The following EFNA2 variants were observed in gnomAD, a reference collection of about 807,000 sequenced individuals.
EFNA2 encodes ephrin-A2.
A neutral mutation model predicts 19.7 loss-of-function variants in EFNA2; 18 were observed. The ratio of observed to expected loss-of-function variants is 0.91; its 90% CI spans 0.63 to 1.35. The LOEUF is 1.35. Among genes scored for constraint, EFNA2 ranks in the 40% most tolerant of loss-of-function variants. The pLI, the probability that EFNA2 is intolerant of heterozygous loss-of-function variation, is 0.00. For missense variants in EFNA2, 303 were observed against 296.0 expected, an observed-to-expected ratio of 1.02 and a Z score of -0.17; for synonymous variants, 187 against 137.8, an observed-to-expected ratio of 1.36 and a Z score of -2.50.
rs2081539588 is a variant in EFNA2 at position 1,300,853 on chromosome 19, C to T, written c.*908C>T. On this transcript the variant is annotated 3_prime_UTR_variant, in exon 4 of 4. Transcript: ENST00000215368. ...CCCTCTCCGAGGCCGAGAAGACCTTCTGTTCCTGTAAATACAGCCAGCAAG... is the reference window on the plus strand; with the variant it reads ...CCCTCTCCGAGGCCGAGAAGACCTTTTGTTCCTGTAAATACAGCCAGCAAG... 6.6e-6 allele frequency among the ~76,000 whole-genome samples: 1 copy of T among 152,182 alleles called. No individual in the cohort carries two copies. Among genetic ancestry groups the T allele is most frequent in the Non-Finnish European group, 1.5e-5 (1 of 68,040 alleles).
intron 1 of EFNA2, among the ~76,000 whole-genome samples, chr19:1,289,514 C>A (rs561000135): frequency 1.3e-5 from 2 of 152,192 alleles, no homozygotes; most frequent in Non-Finnish European, 2.9e-5. Flanking sequence ...GACCAGGGCC[C>A]GTGTGCAGAC....
At chr19:1,292,215 C>T (rs975899560) in intron 1 of EFNA2, among the ~76,000 whole-genome samples, 1 of 152,230 alleles carries the variant, frequency 6.6e-6, no homozygotes, top group African/African-American at 2.4e-5. Flanking sequence ...GGCTTGCCCG[C>T]CAACTTGGAA....
rs2081526186 is a variant in EFNA2, at chr19:1,298,561, T to G, written c.465T>G (p.Pro155=). The part of the protein sequence containing the change: ...GHEYYYISAT[P]PNAVDRPCLR... ...TCCCCTCTCTTCTAGCTGCCACGCC[T>G]CCCAATGCTGTGGACCGGCCCTGCC... The change falls in exon 3 of 4, where the codon CCT becomes CCG. Residue 155 remains proline, a synonymous_variant. Coordinates refer to ENST00000215368, the MANE Select transcript of EFNA2 (RefSeq NM_001405.4). 3.1e-6 allele frequency: 5 copies of G among 1,613,900 alleles called. No individual in the cohort carries two copies. Among genetic ancestry groups the G allele is most frequent in the Non-Finnish European group, 4.2e-6 (5 of 1,179,962 alleles).
At chr19:1,298,270 C>G (rs1262436643) in intron 2 of EFNA2, among the ~76,000 whole-genome samples, 2 of 152,018 alleles carry the variant, frequency 1.3e-5, no homozygotes, top group Non-Finnish European at 2.9e-5. Context: ...CGAGCTCACC[C>G]TGTGCTGCCC....
At position 1,294,383 on chromosome 19, in the gene EFNA2, CA is replaced by C. The variant is rs1182075369; in HGVS notation, c.141-1161del. Among the ~76,000 whole-genome samples, 1 of 152,148 alleles carries C rather than the reference CA, an allele frequency of 6.6e-6. No individual in the cohort carries two copies. The highest frequency in any genetic ancestry group is 1.5e-5 in the Non-Finnish European group (1 of 68,016). On this transcript the variant is annotated intron_variant, in intron 1 of 3. Coordinates refer to ENST00000215368, the MANE Select transcript of EFNA2 (RefSeq NM_001405.4). This position sits in a 1 kb window ranked among gnomAD's most constrained non-coding sequence, Gnocchi z 5.8. ...TCTATCCTCACAGACGAGGCTGGGT[CA>C]GGGGGCTCCCTGGAGGAAGGGGCCT...
chr19:1,298,717 G>A, intron 3 of EFNA2, 101 bp downstream of exon 3: 1 of 1,346,100 alleles, frequency 7.4e-7, no homozygotes, highest in Non-Finnish European at 1.0e-6. Context: ...GGGGGCCTCG[G>A]GTTTCCCTAT....
In EFNA2 at chr19:1,300,733, C is replaced by G. The variant is rs1275433185; in HGVS notation, c.*788C>G. Among the ~76,000 whole-genome samples the G allele has an allele frequency of 6.6e-6, 1 of 152,142 alleles. No individual in the cohort carries two copies. The highest frequency in any genetic ancestry group is 2.4e-5 in the African/African-American group (1 of 41,438). The stretch of plus-strand genomic sequence containing the variant: ...CATTTCCTCCCAGACACTGTTTTGC[C>G]CCAGCGCCCTTCGGAATCACAGTCC... On this transcript the variant is annotated 3_prime_UTR_variant, in exon 4 of 4. Transcript: ENST00000215368.
At position 1,295,471 on chromosome 19, in the gene EFNA2, C is replaced by T. The variant is rs1448799180; in HGVS notation, c.141-74C>T. The T allele has an allele frequency of 5.0e-6, 7 of 1,410,840 alleles. No individual in the cohort carries two copies. In the East Asian group the frequency reaches 1.3e-4, roughly 27 times the overall value. The allele number at this position is 1,410,840 out of a possible 1,614,324, so 87.4% of individuals were successfully genotyped here. On this transcript the variant is annotated intron_variant, in intron 1 of 3. Coordinates refer to ENST00000215368, the MANE Select transcript of EFNA2 (RefSeq NM_001405.4). The surrounding 1 kb of genome is among the most constrained non-coding windows in gnomAD (Gnocchi z 5.8). The stretch of plus-strand genomic sequence containing the variant: ...TCGTGCTCCTGTCCCCTGACCCTGG[C>T]CCTCCCCGCGCACCCCGACCCGTGC...
intron 1 of EFNA2, among the ~76,000 whole-genome samples, chr19:1,292,571 A>G (rs2081496490): frequency 6.6e-6 from 1 of 152,168 alleles, no homozygotes; most frequent in South Asian, 2.1e-4. Context: ...GGCAGTGGGA[A>G]CAGCAGCTGC....
At chr19:1,290,548 G>A (rs569486601) in intron 1 of EFNA2, among the ~76,000 whole-genome samples, 36 of 152,306 alleles carry the variant, frequency 2.4e-4, no homozygotes, top group Middle Eastern at 3.4e-3. Context: ...GCATTCATGG[G>A]GGTCCGGGTG....
Position 1,287,277 on chromosome 19 carries a change from C to T in EFNA2, c.140+969C>T, listed in dbSNP as rs547149801. Among the ~76,000 whole-genome samples the T allele has an allele frequency of 6.6e-5, 10 of 152,176 alleles. No homozygotes were observed. The highest frequency in any genetic ancestry group is 6.2e-4 in the South Asian group (3 of 4,818). On this transcript the variant is annotated intron_variant, in intron 1 of 3. Coordinates refer to ENST00000215368, the MANE Select transcript of EFNA2 (RefSeq NM_001405.4). The surrounding 1 kb of genome is among the most constrained non-coding windows in gnomAD (Gnocchi z 6.2). ...GCTTCCCTGGGGGTCCCGTGGGAGCCGGGGCTTTGGGGGTCCTGGGGCTCG... is the reference window on the plus strand; with the variant it reads ...GCTTCCCTGGGGGTCCCGTGGGAGCTGGGGCTTTGGGGGTCCTGGGGCTCG...
rs1326486669 is a variant in EFNA2 at position 1,296,465 on chromosome 19, C to T, written c.454+607C>T. On this transcript the variant is annotated intron_variant, in intron 2 of 3. Coordinates refer to ENST00000215368, the MANE Select transcript of EFNA2 (RefSeq NM_001405.4). The surrounding 1 kb of genome is among the most constrained non-coding windows in gnomAD (Gnocchi z 4.4). Reference sequence around the variant, plus strand: ...GCCGAGGCGGGAGGATCACTTGAGGCCAGCGTGGACAACGTAGGGAGACCT... The same window carrying T: ...GCCGAGGCGGGAGGATCACTTGAGGTCAGCGTGGACAACGTAGGGAGACCT... 1.3e-5 allele frequency among the ~76,000 whole-genome samples: 2 copies of T among 152,096 alleles called. No individual in the cohort carries two copies. The highest frequency in any genetic ancestry group is 2.4e-5 in the African/African-American group (1 of 41,396).
intron 2 of EFNA2, 135 bp from the exon 3 acceptor site, chr19:1,298,416 C>A (rs974566989): frequency 1.3e-6 from 1 of 754,280 alleles, no homozygotes; most frequent in East Asian, 2.7e-5. Flanking sequence ...CTTTGATGTA[C>A]GATTAGGAGT....
rs1359708613 is a variant in EFNA2 at position 1,285,887 on chromosome 19, T to G, written c.-282T>G. On this transcript the variant is annotated 5_prime_UTR_variant, in exon 1 of 4. Transcript: ENST00000215368. This position sits in a 1 kb window ranked among gnomAD's most constrained non-coding sequence, Gnocchi z 4.1. ...GGACAAAGGCCGGAGCCCGGGCCCCTCCCCGGCGGGTGCGGCGGCGGCGGC... is the reference window on the plus strand; with the variant it reads ...GGACAAAGGCCGGAGCCCGGGCCCCGCCCCGGCGGGTGCGGCGGCGGCGGC... Among the ~76,000 whole-genome samples the G allele has an allele frequency of 6.9e-6, 1 of 144,620 alleles. No homozygotes were observed. The highest frequency in any genetic ancestry group is 1.5e-5 in the Non-Finnish European group (1 of 65,380). The allele number at this position is 144,620 out of a possible 152,430, so 94.9% of individuals were successfully genotyped here.
rs548760423 is a variant in EFNA2, at chr19:1,286,365, C to A, written c.140+57C>A. On this transcript the variant is annotated intron_variant, in intron 1 of 3. Transcript: ENST00000215368. The surrounding 1 kb of genome is among the most constrained non-coding windows in gnomAD (Gnocchi z 5.6). ...GGACCCCCCAACGCCCCCCAAGCCG[C>A]GCCCGGCCTCGCGCCCCCGGAGCTC... is the stretch of plus-strand genomic sequence containing the variant. The A allele has an allele frequency of 1.1e-6, 1 of 927,334 alleles. No individual in the cohort carries two copies. Among genetic ancestry groups the A allele is most frequent in the Non-Finnish European group, 1.3e-6 (1 of 779,244 alleles). 57.4% of individuals were successfully genotyped at this position (927,334 alleles called of 1,614,324 possible).
intron 1 of EFNA2, among the ~76,000 whole-genome samples, chr19:1,291,125 G>A (rs888887749): frequency 2.6e-5 from 4 of 152,202 alleles, no homozygotes; most frequent in African/African-American, 7.2e-5. Context: ...ACCTGGGGCC[G>A]GCCCGGGGGA....
Position 1,286,397 on chromosome 19 carries a change from C to T in EFNA2, c.140+89C>T. On this transcript the variant is annotated intron_variant, in intron 1 of 3. Coordinates refer to ENST00000215368, the MANE Select transcript of EFNA2 (RefSeq NM_001405.4). The surrounding 1 kb of genome is among the most constrained non-coding windows in gnomAD (Gnocchi z 5.6). ...CCTCGCGCCCCCGGAGCTCCGGGCG[C>T]CCCCCACGCGCGCGCCGCCGCCGGG... 3.3e-6 allele frequency: 2 copies of T among 599,626 alleles called. No homozygotes were observed. Among genetic ancestry groups the T allele is most frequent in the Non-Finnish European group, 4.2e-6 (2 of 480,010 alleles). 37.1% of individuals were successfully genotyped at this position (599,626 alleles called of 1,614,324 possible). A position where few individuals can be genotyped will look rare whatever the true frequency, so the allele number is the denominator to read the frequency against.
In EFNA2 at chr19:1,297,997, G is replaced by A. The variant is rs1211067283; in HGVS notation, c.455-554G>A. Reference sequence around the variant, plus strand: ...TGAGGCAGGAGAATTGCTTGAACCCGGGAGGCTGAGATTGCAGTGAGCCGA... The same window carrying A: ...TGAGGCAGGAGAATTGCTTGAACCCAGGAGGCTGAGATTGCAGTGAGCCGA... On this transcript the variant is annotated intron_variant, in intron 2 of 3. Coordinates refer to ENST00000215368, the MANE Select transcript of EFNA2 (RefSeq NM_001405.4). The surrounding 1 kb of genome is among the most constrained non-coding windows in gnomAD (Gnocchi z 5.0). Among the ~76,000 whole-genome samples the A allele has an allele frequency of 1.4e-5, 2 of 147,874 alleles. No homozygotes were observed. Among genetic ancestry groups the A allele is most frequent in the Admixed American group, 6.8e-5 (1 of 14,700 alleles).
intron 1 of EFNA2, among the ~76,000 whole-genome samples, chr19:1,293,660 G>A (rs760508321): frequency 7.9e-5 from 12 of 152,224 alleles, no homozygotes; most frequent in African/African-American, 2.4e-4. Context: ...CCCCTGTGCT[G>A]GGCTCACAGG....
Sources: allele counts gnomAD v4.1 joint callset (sites outside exome capture counted in the v4.1 genomes callset), GRCh38; gene constraint gnomAD v4.1.1; non-coding constraint Gnocchi (gnomAD v3.1); transcripts MANE v1.5; gene names NCBI Gene and HGNC (gene_info 2026-07-23, HGNC 2026-07-21).